Variants in PLGRKT observed in about 807,000 individuals in gnomAD.
PLGRKT encodes the protein plasminogen receptor with a C-terminal lysine, also known as plasminogen receptor (KT).
PLGRKT carries 22 observed loss-of-function variants against 18.5 expected under a neutral mutation model. The ratio of observed to expected loss-of-function variants is 1.19; its 90% CI spans 0.85 to 1.70. PLGRKT has a LOEUF of 1.70. Ranked by LOEUF, PLGRKT falls within the 40% of genes most tolerant of loss-of-function variation. The pLI is 0.00. For missense variants in PLGRKT, 235 were observed against 174.4 expected, an observed-to-expected ratio of 1.35 and a Z score of -1.96; for synonymous variants, 72 against 52.8, an observed-to-expected ratio of 1.36 and a Z score of -1.58.
intron 3 of PLGRKT, among the ~76,000 whole-genome samples, chr9:5,396,082 C>T (rs1185850719): frequency 4.0e-5 from 6 of 151,164 alleles, no homozygotes; most frequent in Non-Finnish European, 5.9e-5. Flanking sequence ...TTAGTAGAGA[C>T]GGGGTTTCAC....
intron 3 of PLGRKT, among the ~76,000 whole-genome samples, chr9:5,404,565 T>A (rs1818220047): frequency 6.6e-6 from 1 of 152,134 alleles, no homozygotes; most frequent in African/African-American, 2.4e-5. Context: ...ACACCTTTGA[T>A]AAAATTCAAC....
chr9:5,414,166 G>GT (rs1166217355), intron 3 of PLGRKT, among the ~76,000 whole-genome samples: 1 of 152,050 alleles, frequency 6.6e-6, no homozygotes, highest in Non-Finnish European at 1.5e-5. Flanking sequence ...TTCTTGGAGT[G>GT]TATCTTTTTT....
At chr9:5,401,683 T>C (rs1197238752) in intron 3 of PLGRKT, among the ~76,000 whole-genome samples, 2 of 151,992 alleles carry the variant, frequency 1.3e-5, no homozygotes, top group Non-Finnish European at 2.9e-5. Context: ...TTAATTGTTA[T>C]ATGAGGAAAA....
At position 5,361,968 on chromosome 9, in the gene PLGRKT, G is replaced by A. The variant is rs145573172; in HGVS notation, c.82-80C>T. ...ATAGTTAATAATCTGTTTTTCCAGC[G>A]GATTCATTCTTCAATTGCTTTAATT... On this transcript the variant is annotated intron_variant, in intron 3 of 5. Transcript: ENST00000223864. 5.6e-3 allele frequency: 7,573 copies of A among 1,344,094 alleles called. 42 individuals are homozygous for A. Among genetic ancestry groups the A allele is most frequent in the African/African-American group, 9.7e-3 (654 of 67,772 alleles). 83.3% of individuals were successfully genotyped at this position (1,344,094 alleles called of 1,614,324 possible). A position where few individuals can be genotyped will look rare whatever the true frequency, so the allele number is the denominator to read the frequency against.
chr9:5,366,564 C>G (rs1381508992), intron 3 of PLGRKT, among the ~76,000 whole-genome samples: 4 of 152,080 alleles, frequency 2.6e-5, no homozygotes, highest in Non-Finnish European at 5.9e-5. Context: ...ACATAAGACG[C>G]TCCACAAACT....
At chr9:5,404,075 C>G (rs1158305523) in intron 3 of PLGRKT, among the ~76,000 whole-genome samples, 2 of 152,150 alleles carry the variant, frequency 1.3e-5, no homozygotes, top group African/African-American at 4.8e-5. Context: ...CAAGACTGAA[C>G]CAGGAAGAAG....
chr9:5,401,704 A>G (rs1448556570), intron 3 of PLGRKT, among the ~76,000 whole-genome samples: 1 of 152,032 alleles, frequency 6.6e-6, no homozygotes, highest in Non-Finnish European at 1.5e-5. Context: ...CAGGTATTCA[A>G]AAGCCAATAT....
At chr9:5,415,317 CA>C (rs1167742973) in intron 3 of PLGRKT, among the ~76,000 whole-genome samples, 6 of 152,244 alleles carry the variant, frequency 3.9e-5, no homozygotes, top group African/African-American at 1.4e-4. Context: ...AAAACATATT[CA>C]TATAAATAAT....
chr9:5,438,225 G>T (rs140059462), upstream of PLGRKT, among the ~76,000 whole-genome samples: 2 of 152,174 alleles, frequency 1.3e-5, no homozygotes, highest in East Asian at 3.9e-4. Context: ...ATTCTTTTTT[G>T]AACAGAGCCG....
At chr9:5,416,920 A>G (rs776171844) in intron 3 of PLGRKT, among the ~76,000 whole-genome samples, 18 of 152,256 alleles carry the variant, frequency 1.2e-4, no homozygotes, top group Non-Finnish European at 2.4e-4. Flanking sequence ...TATAGGAAAT[A>G]TTAAAAGTAT....
In PLGRKT at chr9:5,358,350, C is replaced by G; in HGVS notation, c.333G>C (p.Glu111Asp). 1 of 1,612,730 alleles carries G rather than the reference C, an allele frequency of 6.2e-7. No homozygotes were observed. The highest frequency in any genetic ancestry group is 8.5e-7 in the Non-Finnish European group (1 of 1,179,206). Residue 111 changes from glutamate (E) to aspartate (D), a missense_variant, in exon 6 of 6, where the codon GAG becomes GAC. Transcript: ENST00000223864. ...TLLERMKGEAEDILETEKSKL... is the reference protein window; with the variant it reads ...TLLERMKGEADDILETEKSKL... ...TACTCTTTTCTGTTTCCAGTATGTC[C>G]TCAGCTTCACCTTAAATAAAGTACA...
At chr9:5,434,263 TTC>T (rs1457386070) in intron 2 of PLGRKT, among the ~76,000 whole-genome samples, 4 of 94,434 alleles carry the variant, frequency 4.2e-5, no homozygotes, top group Admixed American at 1.1e-4. Context: ...CCGGCCGCCC[TTC>T]GTCTGGGAGG....
chr9:5,361,133 A>G lies in PLGRKT; in HGVS notation c.267T>C (p.Phe89=). The G allele has an allele frequency of 6.2e-7, 1 of 1,611,648 alleles. No homozygotes were observed. Among genetic ancestry groups the G allele is most frequent in the Non-Finnish European group, 8.5e-7 (1 of 1,177,902 alleles). Residue 89 remains phenylalanine (F), a synonymous_variant, in exon 5 of 6, where the codon TTT becomes TTC. Coordinates refer to ENST00000223864, the MANE Select transcript of PLGRKT (RefSeq NM_018465.4). ...CCAAGTCATACTGGTAGGTGAGGATAAAGCTTAATGGAACAATCGGGACCA... is the reference window on the plus strand; with the variant it reads ...CCAAGTCATACTGGTAGGTGAGGATGAAGCTTAATGGAACAATCGGGACCA... ...AFLVPIVPLS[F]ILTYQYDLGY... is the part of the protein sequence containing the mutation.
At chr9:5,435,990 G>A (rs750330457) in intron 2 of PLGRKT, among the ~76,000 whole-genome samples, 15 of 152,202 alleles carry the variant, frequency 9.9e-5, no homozygotes, top group Non-Finnish European at 1.3e-4. Context: ...CTTCAAAGCT[G>A]AGCACAGGAT....
intron 3 of PLGRKT, among the ~76,000 whole-genome samples, chr9:5,422,197 G>A (rs1309336185): frequency 6.6e-6 from 1 of 152,132 alleles, no homozygotes; most frequent in Non-Finnish European, 1.5e-5. Context: ...GGATGGTAAG[G>A]CCGGCCGATC....
At chr9:5,382,111 G>A (rs184332727) in intron 3 of PLGRKT, 82 of 667,522 alleles carry the variant, frequency 1.2e-4, no homozygotes, top group Non-Finnish European at 1.4e-4. Flanking sequence ...ATAATAAATC[G>A]TTGGAAAATA....
intron 3 of PLGRKT, among the ~76,000 whole-genome samples, chr9:5,368,423 C>G (rs1470738652): frequency 6.6e-6 from 1 of 152,100 alleles, no homozygotes; most frequent in Non-Finnish European, 1.5e-5. Context: ...TAAATCATAT[C>G]CTTTGCAGCC....
In PLGRKT at chr9:5,413,029, G is replaced by C. The variant is rs939684483; in HGVS notation, c.81+18868C>G. On this transcript the variant is annotated intron_variant, in intron 3 of 5. Coordinates refer to ENST00000223864, the MANE Select transcript of PLGRKT (RefSeq NM_018465.4). ...ATTAAAGAAAAGCAAATTAAAGCAA[G>C]ACTGAGATACCACTTCTTGCTTGTC... Among the ~76,000 whole-genome samples the C allele has an allele frequency of 1.1e-4, 16 of 152,256 alleles. 1 individual carries two copies. Among genetic ancestry groups the C allele is most frequent in the African/African-American group, 3.8e-4 (16 of 41,560 alleles).
intron 3 of PLGRKT, among the ~76,000 whole-genome samples, chr9:5,400,652 T>A (rs1818136943): frequency 6.6e-6 from 1 of 151,990 alleles, no homozygotes; most frequent in South Asian, 2.1e-4. Context: ...CACCAGAACA[T>A]ATAAATATTA....
Sources: allele counts gnomAD v4.1 joint callset (sites outside exome capture counted in the v4.1 genomes callset), GRCh38; gene constraint gnomAD v4.1.1; transcripts MANE v1.5; gene names NCBI Gene and HGNC (gene_info 2026-07-23, HGNC 2026-07-21).